Variants in GRHL3 observed in about 807,000 individuals in gnomAD.
GRHL3 encodes the protein grainyhead like transcription factor 3.
Under a neutral mutation model 70.3 loss-of-function variants are expected in GRHL3, and 20 were observed. The ratio of observed to expected loss-of-function variants is 0.28; its 90% confidence interval spans 0.20 to 0.41. The LOEUF is 0.41. GRHL3 is among the 10% of genes least tolerant of loss of function. The pLI is 1.00. For synonymous variants in GRHL3, 299 were observed against 299.9 expected, an observed-to-expected ratio of 1.00 and a Z score of 0.03; for missense variants, 637 against 762.3, an observed-to-expected ratio of 0.84 and a Z score of 1.94.
chr1:24,356,258 T>C (rs1640715338), downstream of GRHL3, among the ~76,000 whole-genome samples: 1 of 143,742 alleles, frequency 7.0e-6, no homozygotes, highest in African/African-American at 2.6e-5. Flanking sequence ...TTTTTGTTTT[T>C]TTGAGACGGA....
At chr1:24,355,864 A>G (rs1006483005), downstream of GRHL3, among the ~76,000 whole-genome samples, 3 of 151,816 alleles carry the variant, frequency 2.0e-5, no homozygotes, top group Non-Finnish European at 4.4e-5. Context: ...TAGAGAACAA[A>G]TCACAGATTC....
At chr1:24,327,650 C>A (rs1253902237) in intron 1 of GRHL3, among the ~76,000 whole-genome samples, 1 of 152,192 alleles carries the variant, frequency 6.6e-6, no homozygotes, top group Non-Finnish European at 1.5e-5. Flanking sequence ...TGGACAAGGA[C>A]ACCAACAGAG....
intron 8 of GRHL3, 128 bp downstream of exon 8, chr1:24,339,890 A>G (rs1639972719): frequency 5.2e-6 from 3 of 581,230 alleles, no homozygotes; most frequent in Admixed American, 5.7e-5. Flanking sequence ...AGGAGGCAGG[A>G]TGCAGTGTAG....
chr1:24,339,299 A>T (rs1190819947), intron 7 of GRHL3, among the ~76,000 whole-genome samples: 4 of 145,710 alleles, frequency 2.7e-5, no homozygotes, highest in Admixed American at 2.7e-4. Context: ...TTTTTGAGAC[A>T]GAGTCTCGCT....
At position 24,322,952 on chromosome 1, in the gene GRHL3, C is replaced by A; in HGVS notation, c.17+3384C>A. 2 of 754,392 alleles carry A rather than the reference C, an allele frequency of 2.7e-6. No homozygotes were observed. The highest frequency in any genetic ancestry group is 2.8e-4 in the Middle Eastern group (1 of 3,536). 46.7% of individuals were successfully genotyped at this position (754,392 alleles called of 1,614,324 possible). Reference sequence around the variant, plus strand: ...TGGTTCAGGCTTGCCCAAGGTCTCACGGAAGCACTGGGATCTTAACCGGGT... The same window carrying A: ...TGGTTCAGGCTTGCCCAAGGTCTCAAGGAAGCACTGGGATCTTAACCGGGT... On this transcript the variant is annotated intron_variant, in intron 1 of 15. Transcript: ENST00000361548. This position sits in a 1 kb window ranked among gnomAD's most constrained non-coding sequence, Gnocchi z 4.4.
intron 14 of GRHL3, among the ~76,000 whole-genome samples, chr1:24,348,335 C>G (rs1053027340): frequency 6.6e-6 from 1 of 152,220 alleles, no homozygotes; most frequent in Admixed American, 6.5e-5. Flanking sequence ...CCCGCAAGGA[C>G]ACAGCCTCCG....
At position 24,364,131 on chromosome 1, in the gene GRHL3, C is replaced by A. The variant is rs60585087; in HGVS notation, c.1695-54C>A. 5.6e-4 allele frequency: 824 copies of A among 1,469,564 alleles called. 2 individuals are homozygous for A. The African/African-American group carries it at 0.011, about 19-fold the overall frequency. The allele number at this position is 1,469,564 out of a possible 1,614,324, so 91.0% of individuals were successfully genotyped here. A position where few individuals can be genotyped will look rare whatever the true frequency, so the allele number is the denominator to read the frequency against. ...CCTGCTGTTCCTTCTGTGAGAAACA[C>A]CAACTTTCCCTGCAAACTCGAATTC... On this transcript the variant is annotated intron_variant, in intron 15 of 15. Coordinates refer to the GRHL3 transcript ENST00000350501.
intron 12 of GRHL3, among the ~76,000 whole-genome samples, chr1:24,345,295 C>T (rs1301016966): frequency 5.8e-5 from 8 of 138,218 alleles, no homozygotes; most frequent in African/African-American, 1.7e-4. Flanking sequence ...CCTGTGCCTC[C>T]GCCACACCTG....
At chr1:24,329,628 A>T (rs2148650506) in intron 1 of GRHL3, among the ~76,000 whole-genome samples, 1 of 152,322 alleles carries the variant, frequency 6.6e-6, no homozygotes, top group Admixed American at 6.5e-5. Flanking sequence ...GAAGCAAATG[A>T]TCCTTACCTT....
chr1:24,337,477 A>C, intron 5 of GRHL3, 159 bp from the exon 6 acceptor site: 1 of 713,870 alleles, frequency 1.4e-6, no homozygotes, highest in Non-Finnish European at 2.3e-6. Context: ...ATTAAATAGA[A>C]CCCCCAAATT....
In GRHL3 at chr1:24,342,946, G is replaced by A. The variant is rs544083411; in HGVS notation, c.1340G>A (p.Arg447Gln). 41 of 1,614,116 alleles carry A rather than the reference G, an allele frequency of 2.5e-5. No individual in the cohort carries two copies. Among genetic ancestry groups the A allele is most frequent in the African/African-American group, 2.1e-4 (16 of 75,020 alleles). ...GFRGNETTYL[R>Q]PETDLETPPV... is the part of the protein sequence containing the mutation. ...AGGGGCAATGAGACGACCTACCTTC[G>A]GCCAGAGACTGACCTGGAGACGCCA... The change falls in exon 11 of 16, where the codon CGG (arginine) becomes CAG (glutamine). Residue 447 changes from arginine to glutamine, a missense_variant. Arg to Gln is a conservative substitution (Grantham distance 43, BLOSUM62 1). This residue lies in a region of GRHL3 where 387 missense variants were observed against 513.8 expected (regional missense o/e 0.75). Transcript: ENST00000361548. This position sits in a 1 kb window ranked among gnomAD's most constrained non-coding sequence, Gnocchi z 4.8.
At chr1:24,350,698 G>C (rs1435041606) in intron 15 of GRHL3, among the ~76,000 whole-genome samples, 1 of 152,208 alleles carries the variant, frequency 6.6e-6, no homozygotes, top group African/African-American at 2.4e-5. Flanking sequence ...GATGAGTCTG[G>C]AAAAGGAGTT....
intron 4 of GRHL3, 124 bp downstream of exon 4, chr1:24,336,951 G>A (rs1228182371): frequency 2.6e-5 from 32 of 1,209,756 alleles, no homozygotes; most frequent in Non-Finnish European, 3.5e-5. Flanking sequence ...GCTGAGACGG[G>A]ATTGCCATGT....
chr1:24,342,048 T>C lies in GRHL3; in HGVS notation c.1048-67T>C, dbSNP rs528002176. On this transcript the variant is annotated intron_variant, in intron 8 of 15. Transcript: ENST00000361548. This position sits in a 1 kb window ranked among gnomAD's most constrained non-coding sequence, Gnocchi z 4.8. ...CACACAGAAAGCTAGAAATACAGGA[T>C]CACTGTGGGACGGTGGGGCTGGCCA... The C allele has an allele frequency of 4.3e-6, 6 of 1,401,306 alleles. No homozygotes were observed. 86.8% of individuals were successfully genotyped at this position (1,401,306 alleles called of 1,614,324 possible).
At position 24,342,010 on chromosome 1, in the gene GRHL3, G is replaced by A. The variant is rs1007711551; in HGVS notation, c.1048-105G>A. ...TTCTAGGGGCCTAGTGAGGCTTAAG[G>A]GTGAGCAGCAGGCACACAGAAAGCT... On this transcript the variant is annotated intron_variant, in intron 8 of 15. Coordinates refer to ENST00000361548, the MANE Select transcript of GRHL3 (RefSeq NM_198173.3). The surrounding 1 kb of genome is among the most constrained non-coding windows in gnomAD (Gnocchi z 4.8). 1 of 1,095,760 alleles carries A rather than the reference G, an allele frequency of 9.1e-7. No individual in the cohort carries two copies. The highest frequency in any genetic ancestry group is 1.6e-5 in the African/African-American group (1 of 63,812). 67.9% of individuals were successfully genotyped at this position (1,095,760 alleles called of 1,614,324 possible).
intron 8 of GRHL3, 143 bp from the exon 9 acceptor site, chr1:24,341,972 G>A: frequency 1.5e-6 from 1 of 680,124 alleles, no homozygotes; most frequent in Non-Finnish European, 2.4e-6. Context: ...AAAGAGGAGT[G>A]CTGATGTTTG....
rs550676132 is a variant in GRHL3, at chr1:24,354,662, G to T, written c.*174G>T. ...GTCAGGGCCAGGGAGAGACCTAGGG[G>T]GTCCCCTGGCCTGGATCCCCATGGT... On this transcript the variant is annotated 3_prime_UTR_variant, in exon 16 of 16. Coordinates refer to ENST00000361548, the MANE Select transcript of GRHL3 (RefSeq NM_198173.3). 5.4e-6 allele frequency: 3 copies of T among 551,854 alleles called. No homozygotes were observed. Among genetic ancestry groups the T allele is most frequent in the South Asian group, 2.1e-5 (1 of 46,746 alleles). The allele number at this position is 551,854 out of a possible 1,614,324, so 34.2% of individuals were successfully genotyped here.
chr1:24,348,151 T>G (rs1329175180), intron 14 of GRHL3, among the ~76,000 whole-genome samples: 1 of 152,162 alleles, frequency 6.6e-6, no homozygotes, highest in Non-Finnish European at 1.5e-5. Flanking sequence ...AAAAGCCAGA[T>G]GGTGTCAAGA....
At position 24,321,382 on chromosome 1, in the gene GRHL3, C is replaced by T. The variant is rs1336185658; in HGVS notation, c.17+1814C>T. 6.6e-6 allele frequency among the ~76,000 whole-genome samples: 1 copy of T among 152,184 alleles called. No homozygotes were observed. The highest frequency in any genetic ancestry group is 6.5e-5 in the Admixed American group (1 of 15,274). ...TGGCAGAGCCTGGGGGCTCAGCTGCCCCTACTGGTAAGGGGAGGGCACCCG... is the reference window on the plus strand; with the variant it reads ...TGGCAGAGCCTGGGGGCTCAGCTGCTCCTACTGGTAAGGGGAGGGCACCCG... On this transcript the variant is annotated intron_variant, in intron 1 of 15. Coordinates refer to ENST00000361548, the MANE Select transcript of GRHL3 (RefSeq NM_198173.3). This position sits in a 1 kb window ranked among gnomAD's most constrained non-coding sequence, Gnocchi z 4.0.
Sources: allele counts gnomAD v4.1 joint callset (sites outside exome capture counted in the v4.1 genomes callset), GRCh38; gene constraint gnomAD v4.1.1; regional missense constraint gnomAD v4.1.1; non-coding constraint Gnocchi (gnomAD v3.1); transcripts MANE v1.5; gene names NCBI Gene and HGNC (gene_info 2026-07-23, HGNC 2026-07-21).